The following PEX26 variants were observed in gnomAD, a reference collection of about 807,000 sequenced individuals.
PEX26 encodes peroxisome assembly protein 26.
PEX26 carries 18 observed loss-of-function variants against 31.4 expected under a neutral mutation model. The observed-to-expected ratio is 0.57, with a 90% CI of 0.40 to 0.85. The LOEUF is 0.85. Among genes scored for constraint, PEX26 ranks in the 40% least tolerant of loss-of-function variants. The probability of loss-of-function intolerance (pLI) is 0.00; values close to 1 mark genes in which losing one functional copy is unlikely to be tolerated. For synonymous variants in PEX26, 176 were observed against 166.9 expected, an observed-to-expected ratio of 1.05 and a Z score of -0.42; for missense variants, 377 against 383.9, an observed-to-expected ratio of 0.98 and a Z score of 0.15.
chr22:18,078,153 C>T lies in PEX26; in HGVS notation c.-224C>T, dbSNP rs369701603. On this transcript the variant is annotated 5_prime_UTR_variant, in exon 1 of 5. Transcript: ENST00000399744. ...GTATTCCAGGGATGCAAGAATCCTG[C>T]AAATCTGACGTGTAAACTGCTTCCC... The T allele has an allele frequency of 2.9e-6, 2 of 689,674 alleles. No homozygotes were observed. The highest frequency in any genetic ancestry group is 5.5e-5 in the East Asian group (2 of 36,344). The allele number at this position is 689,674 out of a possible 1,614,324, so 42.7% of individuals were successfully genotyped here.
In PEX26 at chr22:18,088,489, T is replaced by C. The variant is rs1926940066; in HGVS notation, c.*414T>C. The C allele has an allele frequency of 3.0e-6, 1 of 329,268 alleles. No individual in the cohort carries two copies. Among genetic ancestry groups the C allele is most frequent in the African/African-American group, 2.1e-5 (1 of 46,634 alleles). The allele number at this position is 329,268 out of a possible 1,614,324, so 20.4% of individuals were successfully genotyped here. A position where few individuals can be genotyped will look rare whatever the true frequency, so the allele number is the denominator to read the frequency against. The stretch of plus-strand genomic sequence containing the variant: ...TTGGCCTTTCACTTCTTGAGAAACA[T>C]ACTTCTTTGCTGGGCATGGTGACTC... On this transcript the variant is annotated 3_prime_UTR_variant, in exon 5 of 5. Transcript: ENST00000399744. This position sits in a 1 kb window ranked among gnomAD's most constrained non-coding sequence, Gnocchi z 4.1.
rs926792221 is a variant in PEX26 at position 18,089,688 on chromosome 22, C to G, written c.*1613C>G. The stretch of plus-strand genomic sequence containing the variant: ...CGGGGGTTGCAAGGCAACAAGTTTT[C>G]TTTTGTTTTGTTTGTTTGTTTGTTT... On this transcript the variant is annotated 3_prime_UTR_variant, in exon 5 of 5. Coordinates refer to ENST00000399744, the MANE Select transcript of PEX26 (RefSeq NM_001127649.3). The G allele has an allele frequency of 2.8e-5, 4 of 143,618 alleles. No individual in the cohort carries two copies. Among genetic ancestry groups the G allele is most frequent in the South Asian group, 2.2e-4 (1 of 4,456 alleles). The allele number at this position is 143,618 out of a possible 1,614,324, so 8.9% of individuals were successfully genotyped here. A position where few individuals can be genotyped will look rare whatever the true frequency, so the allele number is the denominator to read the frequency against.
Position 18,089,736 on chromosome 22 carries a change from C to CACTCT in PEX26, c.*1661_*1662insACTCT, listed in dbSNP as rs1556591734. 2.0e-5 allele frequency: 3 copies of CACTCT among 152,514 alleles called. No individual in the cohort carries two copies. Among genetic ancestry groups the CACTCT allele is most frequent in the Admixed American group, 1.3e-4 (2 of 15,208 alleles). 9.4% of individuals were successfully genotyped at this position (152,514 alleles called of 1,614,324 possible). ...TTTGTTTGTTTTTGAGATGGAGTCT[C>CACTCT]TGTCACCCAGGCTGGAGTGCAGTGG... On this transcript the variant is annotated 3_prime_UTR_variant, in exon 5 of 5. Transcript: ENST00000399744.
rs1321573152 is a variant in PEX26, at chr22:18,104,214, CTTT to C, written c.*16145_*16147del. 2 of 151,904 alleles carry C rather than the reference CTTT, an allele frequency of 1.3e-5. No individual in the cohort carries two copies. The highest frequency in any genetic ancestry group is 2.9e-5 in the Non-Finnish European group (2 of 67,996). The allele number at this position is 151,904 out of a possible 1,614,324, so 9.4% of individuals were successfully genotyped here. On this transcript the variant is annotated 3_prime_UTR_variant, in exon 5 of 5. Transcript: ENST00000399744. ...TATCCCACACAGACCTTTAGGTGCT[CTTT>C]TTTTTCTTTTTTTCGCTCTGTCGCC... is the stretch of plus-strand genomic sequence containing the variant.
rs1926915542 is a variant in PEX26, at chr22:18,088,051, C to T, written c.894C>T (p.Leu298=). The change falls in exon 5 of 5, where the codon CTC becomes CTT. Residue 298 remains leucine, a synonymous_variant. Transcript: ENST00000399744. This position sits in a 1 kb window ranked among gnomAD's most constrained non-coding sequence, Gnocchi z 4.1. ...RWIRKAAFSR[L]YQLRIRD ...TCCGGAAGGCTGCATTTTCTCGCCT[C>T]TACCAGCTCCGCATCCGTGACTGAG... 3 of 1,612,366 alleles carry T rather than the reference C, an allele frequency of 1.9e-6. No individual in the cohort carries two copies. Among genetic ancestry groups the T allele is most frequent in the Non-Finnish European group, 2.5e-6 (3 of 1,179,074 alleles).
chr22:18,084,669 G>A (rs898700475), intron 3 of PEX26, among the ~76,000 whole-genome samples: 2 of 151,984 alleles, frequency 1.3e-5, no homozygotes, highest in Non-Finnish European at 2.9e-5. Context: ...GCAAGAGTAT[G>A]TGCAGTTAAG....
At position 18,102,327 on chromosome 22, in the gene PEX26, C is replaced by T. The variant is rs1042798694; in HGVS notation, c.*14252C>T. On this transcript the variant is annotated 3_prime_UTR_variant, in exon 5 of 5. Coordinates refer to ENST00000399744, the MANE Select transcript of PEX26 (RefSeq NM_001127649.3). ...TTTGTTTTTGACCCTTAATACTTAA[C>T]ATGAATGATGAGTTGCAGAACAGTC... is the stretch of plus-strand genomic sequence containing the variant. 2 of 153,016 alleles carry T rather than the reference C, an allele frequency of 1.3e-5. No homozygotes were observed. The highest frequency in any genetic ancestry group is 4.8e-5 in the African/African-American group (2 of 41,448). 9.5% of individuals were successfully genotyped at this position (153,016 alleles called of 1,614,324 possible).
intron 1 of PEX26, chr22:18,078,919 TC>T: frequency 1.9e-6 from 1 of 515,764 alleles, no homozygotes; most frequent in Non-Finnish European, 3.7e-6. Flanking sequence ...AAAAGTCCTC[TC>T]CCAGGTACCT....
At chr22:18,078,758 G>C (rs1261592458) in intron 1 of PEX26, 152 bp downstream of exon 1, 5 of 762,928 alleles carry the variant, frequency 6.6e-6, no homozygotes, top group Non-Finnish European at 1.1e-5. Flanking sequence ...GTCGCTCATC[G>C]TGTGCCCATT....
chr22:18,086,143 C>A (rs941217656), intron 4 of PEX26, among the ~76,000 whole-genome samples: 4 of 150,902 alleles, frequency 2.7e-5, no homozygotes, highest in Non-Finnish European at 5.9e-5. Context: ...ACTAAAAATA[C>A]AAAAATTAGC....
At chr22:18,078,778 AGGGAAGTCGTGTAACAAAAACTTAGTG>A in intron 1 of PEX26, 172 bp downstream of exon 1, 1 of 730,210 alleles carries the variant, frequency 1.4e-6, no homozygotes, top group Non-Finnish European at 2.4e-6. Context: ...TCTACAGAGA[AGGGAAGTCGTGTAACAAAAACTTAGTG>A]GGGATCCCAC....
Position 18,089,807 on chromosome 22 carries a change from T to G in PEX26, c.*1732T>G, listed in dbSNP as rs1021711710. The stretch of plus-strand genomic sequence containing the variant: ...AGCTCCGCCTCCCGGGTTCATGCCA[T>G]TCTCCTGCCTCAGCCTCCCGAGTAG... On this transcript the variant is annotated 3_prime_UTR_variant, in exon 5 of 5. Transcript: ENST00000399744. 2.0e-5 allele frequency: 3 copies of G among 152,284 alleles called. No homozygotes were observed. Among genetic ancestry groups the G allele is most frequent in the African/African-American group, 7.2e-5 (3 of 41,462 alleles). 9.4% of individuals were successfully genotyped at this position (152,284 alleles called of 1,614,324 possible).
rs376322101 is a variant in PEX26, at chr22:18,100,945, A to G, written c.*12870A>G. On this transcript the variant is annotated 3_prime_UTR_variant, in exon 5 of 5. Transcript: ENST00000399744. ...AGTCTATTTCCAGCACACGGCCTAC[A>G]CTCACTGGTACCCCATACAACAGGA... 14 of 152,100 alleles carry G rather than the reference A, an allele frequency of 9.2e-5. No individual in the cohort carries two copies. The highest frequency in any genetic ancestry group is 2.9e-4 in the African/African-American group (12 of 41,398). 9.4% of individuals were successfully genotyped at this position (152,100 alleles called of 1,614,324 possible).
At chr22:18,078,982 T>TG (rs1360825921) in intron 1 of PEX26, 6 of 385,686 alleles carry the variant, frequency 1.6e-5, no homozygotes, top group Non-Finnish European at 3.0e-5. Context: ...TGGCTGATGA[T>TG]GGGGAATGGG....
At chr22:18,082,016 G>A (rs79354646) in intron 2 of PEX26, among the ~76,000 whole-genome samples, 262 of 149,400 alleles carry the variant, frequency 1.8e-3, no homozygotes, top group Non-Finnish European at 3.3e-3. Context: ...ATGGTACGTC[G>A]TCTTCTGAGA....
In PEX26 at chr22:18,086,517, G is replaced by A. The variant is rs140517953; in HGVS notation, c.814+1259G>A. Among the ~76,000 whole-genome samples, 216 of 152,226 alleles carry A rather than the reference G, an allele frequency of 1.4e-3. 1 individual carries two copies. Among genetic ancestry groups the A allele is most frequent in the African/African-American group, 5.0e-3 (206 of 41,542 alleles). ...ACAACCCCTATTATTGAACATTTGGGTGATTATTCTGTTTTCTGCCTCGCT... is the reference window on the plus strand; with the variant it reads ...ACAACCCCTATTATTGAACATTTGGATGATTATTCTGTTTTCTGCCTCGCT... On this transcript the variant is annotated intron_variant, in intron 4 of 4. Transcript: ENST00000399744.
intron 4 of PEX26, among the ~76,000 whole-genome samples, chr22:18,086,645 T>A (rs1278542199): frequency 6.6e-6 from 1 of 152,218 alleles, no homozygotes; most frequent in Non-Finnish European, 1.5e-5. Flanking sequence ...GCACTCGCTC[T>A]TTTAGATTTT....
rs1418163427 is a variant in PEX26, at chr22:18,099,644, A to G, written c.*11569A>G. 1 of 152,188 alleles carries G rather than the reference A, an allele frequency of 6.6e-6. No individual in the cohort carries two copies. 9.4% of individuals were successfully genotyped at this position (152,188 alleles called of 1,614,324 possible). On this transcript the variant is annotated 3_prime_UTR_variant, in exon 5 of 5. Coordinates refer to ENST00000399744, the MANE Select transcript of PEX26 (RefSeq NM_001127649.3). ...GACTGCTGTTAACAAATTGCCACAA[A>G]TGTATGGCTTAAAACAACAGAAATT...
chr22:18,085,795 C>T (rs1029678440), intron 4 of PEX26, among the ~76,000 whole-genome samples: 1 of 152,064 alleles, frequency 6.6e-6, no homozygotes, highest in Non-Finnish European at 1.5e-5. Context: ...TAGCTTGAAC[C>T]CGGGAGGCGG....
Sources: allele counts gnomAD v4.1 joint callset (sites outside exome capture counted in the v4.1 genomes callset), GRCh38; gene constraint gnomAD v4.1.1; non-coding constraint Gnocchi (gnomAD v3.1); transcripts MANE v1.5; gene names NCBI Gene and HGNC (gene_info 2026-07-23, HGNC 2026-07-21).